The following NSUN2 variants were observed in gnomAD, a reference collection of about 807,000 sequenced individuals.
NSUN2 encodes NOP2/Sun RNA methyltransferase 2, also known as RNA cytosine C(5)-methyltransferase NSUN2.
In NSUN2, 63 loss-of-function variants were observed where a neutral mutation model predicts 92.7. That is an observed-to-expected ratio of 0.68 (90% CI 0.56 to 0.84). The LOEUF is 0.84. Ranked by LOEUF, NSUN2 falls within the 40% of genes least tolerant of loss-of-function variation. The pLI is 0.00. For missense variants in NSUN2, 989 were observed against 964.9 expected (o/e 1.02, Z -0.33); for synonymous variants, 356 against 348.3 (o/e 1.02, Z -0.25).
chr5:6,622,183 A>G, intron 5 of NSUN2, 83 bp from the exon 6 acceptor site: 1 of 1,076,288 alleles, frequency 9.3e-7, no homozygotes. Context: ...TAGTTTTTCA[A>G]TTTCTAGTCC....
At chr5:6,625,874 C>T (rs1326378281) in intron 3 of NSUN2, among the ~76,000 whole-genome samples, 1 of 152,010 alleles carries the variant, frequency 6.6e-6, no homozygotes, top group African/African-American at 2.4e-5. Context: ...CACCGTGGCC[C>T]AATCAGAAAC....
chr5:6,618,621 A>C (rs1393526608), intron 7 of NSUN2, among the ~76,000 whole-genome samples: 1 of 152,206 alleles, frequency 6.6e-6, no homozygotes, highest in East Asian at 1.9e-4. Context: ...TTTCCATAGT[A>C]ATTTCAATTA....
Position 6,616,214 on chromosome 5 carries a change from C to G in NSUN2, c.1021+513G>C, listed in dbSNP as rs905715340. On this transcript the variant is annotated intron_variant, in intron 9 of 18. Transcript: ENST00000264670. ...AGGTATTTGTATACCATGCTCACAGCAGCATGGCTCACAACAGCCAAAAAG... is the reference window on the plus strand; with the variant it reads ...AGGTATTTGTATACCATGCTCACAGGAGCATGGCTCACAACAGCCAAAAAG... 5.3e-5 allele frequency among the ~76,000 whole-genome samples: 8 copies of G among 152,322 alleles called. No individual in the cohort carries two copies. In the East Asian group the frequency reaches 1.4e-3, roughly 26 times the overall value.
chr5:6,599,970 C>A lies in NSUN2; in HGVS notation c.2260G>T (p.Val754Leu). ...PDAEEANSPD[V>L]TAGCDPAGVH... ...CCCGCCGGGTCACAGCCTGCTGTCA[C>A]GTCTGGACTGTTGGCCTCTTCTGCA... The change falls in exon 19 of 19, where the codon GTG (valine) becomes TTG (leucine). Residue 754 changes from valine to leucine, a missense_variant. By Grantham distance (32) the Val-to-Leu change is conservative. This residue lies in a region of NSUN2 where 626 missense variants were observed against 602.3 expected (regional missense o/e 1.04). Coordinates refer to ENST00000264670, the MANE Select transcript of NSUN2 (RefSeq NM_017755.6). The A allele has an allele frequency of 6.2e-7, 1 of 1,614,176 alleles. No individual in the cohort carries two copies. Among genetic ancestry groups the A allele is most frequent in the Non-Finnish European group, 8.5e-7 (1 of 1,180,044 alleles).
chr5:6,602,341 A>C lies in NSUN2; in HGVS notation c.1997+120T>G. 6 of 952,542 alleles carry C rather than the reference A, an allele frequency of 6.3e-6. No homozygotes were observed. In the South Asian group the frequency reaches 8.3e-5, roughly 13 times the overall value. 59.0% of individuals were successfully genotyped at this position (952,542 alleles called of 1,614,324 possible). ...AGTTTTCACAAGGCTACTTCTGAGG[A>C]ACAATCACAAAAGGCCTGAAGAAGG... On this transcript the variant is annotated intron_variant, in intron 18 of 18. Transcript: ENST00000264670.
At chr5:6,621,972 C>G in intron 6 of NSUN2, 44 bp downstream of exon 6, 1 of 1,519,196 alleles carries the variant, frequency 6.6e-7, no homozygotes, top group South Asian at 1.1e-5. Context: ...TACAATCTGC[C>G]AAAGTGGCAT....
intron 5 of NSUN2, 54 bp from the exon 6 acceptor site, chr5:6,622,154 A>G: frequency 1.3e-5 from 18 of 1,388,212 alleles, no homozygotes; most frequent in Non-Finnish European, 1.8e-5. Flanking sequence ...AATATTCTAC[A>G]TTTAATTTAA....
intron 6 of NSUN2, chr5:6,621,641 G>A (rs544209627): frequency 5.3e-4 from 84 of 159,088 alleles, no homozygotes; most frequent in African/African-American, 9.2e-4. Flanking sequence ...CCAGCTACTC[G>A]AGAGGCTGAG....
intron 3 of NSUN2, among the ~76,000 whole-genome samples, chr5:6,629,718 C>T (rs1206208165): frequency 2.0e-5 from 3 of 152,134 alleles, no homozygotes; most frequent in Non-Finnish European, 2.9e-5. Flanking sequence ...TAATATTCCC[C>T]ACGTGTCAAG....
intron 5 of NSUN2, 98 bp downstream of exon 5, chr5:6,623,116 G>T: frequency 1.1e-6 from 1 of 925,102 alleles, no homozygotes. Context: ...AGAAAAAAAG[G>T]ACTAATTATA....
Position 6,611,093 on chromosome 5 carries a change from AC to A in NSUN2, c.1096-9del. ...CCCATCTTTCGTCATTACCTGCAGA[AC>A]CACAGGGTACATTCCAGATTACTAG... On this transcript the variant is annotated splice_polypyrimidine_tract_variant and intron_variant, in intron 10 of 18. Transcript: ENST00000264670. 1.2e-6 allele frequency: 2 copies of A among 1,614,152 alleles called. No homozygotes were observed. Among genetic ancestry groups the A allele is most frequent in the Non-Finnish European group, 1.7e-6 (2 of 1,180,028 alleles).
chr5:6,607,114 CAAG>C (rs1736808122), intron 13 of NSUN2, 83 bp downstream of exon 13: 2 of 1,412,506 alleles, frequency 1.4e-6, no homozygotes, highest in South Asian at 2.5e-5. Flanking sequence ...TCAAACCGAC[CAAG>C]AAGTGGCTCT....
intron 13 of NSUN2, 30 bp from the exon 14 acceptor site, chr5:6,606,942 A>C: frequency 7.7e-7 from 1 of 1,300,896 alleles, no homozygotes; most frequent in Admixed American, 1.8e-5. Flanking sequence ...GAGACAAATC[A>C]ATCTGTAATG....
At chr5:6,619,838 C>T (rs374189184) in intron 7 of NSUN2, among the ~76,000 whole-genome samples, 6 of 150,410 alleles carry the variant, frequency 4.0e-5, no homozygotes, top group African/African-American at 1.0e-4. Flanking sequence ...TTTCCTCTTA[C>T]GTATTTTCTC....
chr5:6,630,640 A>G (rs1028767396), intron 3 of NSUN2, among the ~76,000 whole-genome samples: 2 of 152,230 alleles, frequency 1.3e-5, no homozygotes, highest in Non-Finnish European at 2.9e-5. Flanking sequence ...TATCTGTGAT[A>G]GGGACAATGA....
intron 9 of NSUN2, among the ~76,000 whole-genome samples, chr5:6,613,153 CAGAAT>C (rs1371120034): frequency 2.6e-5 from 4 of 152,210 alleles, no homozygotes; most frequent in Non-Finnish European, 4.4e-5. Context: ...AAAATGACTA[CAGAAT>C]AGGAGACTCA....
chr5:6,606,774 A>G (rs1468139042), intron 14 of NSUN2, 46 bp downstream of exon 14: 3 of 1,038,806 alleles, frequency 2.9e-6, no homozygotes, highest in African/African-American at 1.6e-5. Context: ...TTGATACTCT[A>G]TAGTAAATTT....
chr5:6,619,945 C>T (rs888150024), intron 7 of NSUN2, among the ~76,000 whole-genome samples, 161 bp downstream of exon 7: 4 of 152,334 alleles, frequency 2.6e-5, no homozygotes, highest in Admixed American at 1.3e-4. Context: ...CTCATTAAGA[C>T]GTATCTACGT....
rs1245435846 is a variant in NSUN2, at chr5:6,619,967, G to A, written c.815+139C>T. Reference sequence around the variant, plus strand: ...AGACGTATCTACGTGTCCATCTTTTGGTTTAGGCTCACGCTATCTTTCTCC... The same window carrying A: ...AGACGTATCTACGTGTCCATCTTTTAGTTTAGGCTCACGCTATCTTTCTCC... On this transcript the variant is annotated intron_variant, in intron 7 of 18. Transcript: ENST00000264670. 8.4e-6 allele frequency: 5 copies of A among 594,630 alleles called. No homozygotes were observed. The South Asian group carries it at 1.5e-4, about 18-fold the overall frequency. 36.8% of individuals were successfully genotyped at this position (594,630 alleles called of 1,614,324 possible).
Sources: gnomAD v4.1 joint callset for allele counts (sites outside exome capture counted in the v4.1 genomes callset) on GRCh38, gnomAD v4.1.1 for gene constraint, gnomAD v4.1.1 regional missense constraint, MANE v1.5 for transcripts, NCBI Gene and HGNC (gene_info 2026-07-23, HGNC 2026-07-21) for gene names.